The following RAB3IP variants were observed in gnomAD, a reference collection of about 807,000 sequenced individuals.
RAB3IP encodes the protein rab-3A-interacting protein.
RAB3IP carries 36 observed loss-of-function variants against 59.1 expected under a neutral mutation model. That is an observed-to-expected ratio of 0.61 (90% CI 0.47 to 0.80). The LOEUF (loss-of-function observed/expected upper bound fraction) is 0.80, where lower values mean the gene tolerates loss of function less well. RAB3IP is among the 30% of genes least tolerant of loss of function. RAB3IP has a pLI of 0.00. For synonymous variants in RAB3IP, 207 were observed against 191.2 expected (o/e 1.08, Z -0.68); for missense variants, 511 against 536.0 (o/e 0.95, Z 0.46).
intron 3 of RAB3IP, among the ~76,000 whole-genome samples, chr12:69,761,437 A>G (rs1220193548): frequency 1.3e-5 from 2 of 152,144 alleles, no homozygotes; most frequent in Non-Finnish European, 2.9e-5. Context: ...GTTGATCCAT[A>G]TATTTTTTCA....
chr12:69,754,021 T>A (rs939552367), intron 1 of RAB3IP, among the ~76,000 whole-genome samples: 3 of 152,136 alleles, frequency 2.0e-5, no homozygotes, highest in Non-Finnish European at 2.9e-5. Context: ...CTATGTCAGG[T>A]ACATAGTACT....
At chr12:69,773,014 C>A (rs2136178922) in intron 3 of RAB3IP, among the ~76,000 whole-genome samples, 1 of 152,050 alleles carries the variant, frequency 6.6e-6, no homozygotes, top group African/African-American at 2.4e-5. Context: ...TTTTGTTTTT[C>A]TGGGAAACTT....
chr12:69,812,851 T>A lies in RAB3IP; in HGVS notation c.1204T>A (p.Tyr402Asn). 6.2e-7 allele frequency: 1 copy of A among 1,613,138 alleles called. No individual in the cohort carries two copies. Among genetic ancestry groups the A allele is most frequent in the Non-Finnish European group, 8.5e-7 (1 of 1,179,086 alleles). Reference sequence around the variant, plus strand: ...ATTAGGGGACTCAAGCAACTATTATTATATTTCTCCTTTTTGCAGATACAG... The same window carrying A: ...ATTAGGGGACTCAAGCAACTATTATAATATTTCTCCTTTTTGCAGATACAG... The part of the protein sequence containing the change: ...IKLGDSSNYY[Y>N]ISPFCRYRIT... Residue 402 changes from tyrosine (Y) to asparagine (N), a missense_variant, in exon 9 of 11, where the codon TAT becomes AAT. Transcript: ENST00000247833.
At chr12:69,772,846 T>G (rs762555700) in intron 3 of RAB3IP, among the ~76,000 whole-genome samples, 3 of 152,200 alleles carry the variant, frequency 2.0e-5, no homozygotes, top group Non-Finnish European at 2.9e-5. Context: ...ATTACAATAT[T>G]AGAGTATTCT....
At chr12:69,813,732 A>G (rs1199596843) in intron 10 of RAB3IP, among the ~76,000 whole-genome samples, 1 of 152,142 alleles carries the variant, frequency 6.6e-6, no homozygotes, top group African/African-American at 2.4e-5. Flanking sequence ...GCTAGGGACA[A>G]GTCTGTGCCA....
chr12:69,784,678 C>T (rs1285302058), intron 3 of RAB3IP, 42 bp from the exon 4 acceptor site: 21 of 1,196,238 alleles, frequency 1.8e-5, no homozygotes, highest in Non-Finnish European at 2.6e-5. Context: ...AATCTAACTT[C>T]AAACTATGGA....
chr12:69,797,237 C>A (rs1877570798), intron 6 of RAB3IP, among the ~76,000 whole-genome samples: 1 of 152,180 alleles, frequency 6.6e-6, no homozygotes, highest in African/African-American at 2.4e-5. Flanking sequence ...GGGATCAAGC[C>A]ACTTAGATTT....
intron 4 of RAB3IP, among the ~76,000 whole-genome samples, chr12:69,791,705 C>G (rs935481120): frequency 2.0e-5 from 3 of 152,108 alleles, no homozygotes; most frequent in African/African-American, 4.8e-5. Flanking sequence ...AACTTGTCCA[C>G]TATTGGTGGG....
rs1359624420 is a variant in RAB3IP, at chr12:69,784,773, A to C, written c.564A>C (p.Gln188His). Residue 188 changes from glutamine (Q) to histidine (H), a missense_variant, in exon 4 of 11, where the codon CAA becomes CAC. By Grantham distance (24) the Gln-to-His change is conservative. Coordinates refer to ENST00000247833, the MANE Select transcript of RAB3IP (RefSeq NM_022456.5). ...ECERLSKVRD[Q>H]LGQELEELTA... ...AGAGGCTTTCAAAAGTGCGAGATCA[A>C]CTTGGACAGGAATTGGAAGAACTCA... The C allele has an allele frequency of 2.5e-6, 4 of 1,610,684 alleles. No individual in the cohort carries two copies. In the Admixed American group the frequency reaches 6.7e-5, roughly 27 times the overall value.
At chr12:69,780,874 T>C (rs565765161) in intron 3 of RAB3IP, among the ~76,000 whole-genome samples, 1 of 152,306 alleles carries the variant, frequency 6.6e-6, no homozygotes, top group Non-Finnish European at 1.5e-5. Context: ...ATCAAATGCA[T>C]TTATATATCT....
chr12:69,771,773 G>A (rs1434026658), intron 3 of RAB3IP, among the ~76,000 whole-genome samples: 2 of 152,114 alleles, frequency 1.3e-5, no homozygotes, highest in Non-Finnish European at 2.9e-5. Context: ...CTGTATGAAA[G>A]ATTTCCTTTC....
intron 1 of RAB3IP, chr12:69,739,871 T>C (rs1445779358): frequency 6.2e-7 from 1 of 1,613,716 alleles, no homozygotes; most frequent in Non-Finnish European, 8.5e-7. Flanking sequence ...GATGAAAGGG[T>C]AAGGTCTTGA....
chr12:69,811,079 G>T (rs760654265), intron 8 of RAB3IP, among the ~76,000 whole-genome samples: 1 of 152,186 alleles, frequency 6.6e-6, no homozygotes, highest in African/African-American at 2.4e-5. Context: ...CATGTCCTTT[G>T]CAGGGACATG....
intron 4 of RAB3IP, among the ~76,000 whole-genome samples, chr12:69,792,533 T>C (rs1352936105): frequency 1.3e-5 from 2 of 152,196 alleles, no homozygotes; most frequent in Admixed American, 6.5e-5. Flanking sequence ...GTATAGGTGA[T>C]ACTTACATCA....
chr12:69,783,791 T>C (rs1875167588), intron 3 of RAB3IP, among the ~76,000 whole-genome samples: 1 of 152,246 alleles, frequency 6.6e-6, no homozygotes, highest in Non-Finnish European at 1.5e-5. Flanking sequence ...GCTGCTTTTG[T>C]ACATCTGGTG....
chr12:69,749,069 A>C (rs1262334780), intron 1 of RAB3IP, among the ~76,000 whole-genome samples: 1 of 152,230 alleles, frequency 6.6e-6, no homozygotes, highest in Non-Finnish European at 1.5e-5. Context: ...GTGCTATATA[A>C]CAGGGGTCCC....
At chr12:69,758,323 G>T (rs1870551010) in intron 3 of RAB3IP, among the ~76,000 whole-genome samples, 2 of 152,086 alleles carry the variant, frequency 1.3e-5, no homozygotes, top group African/African-American at 4.8e-5. Flanking sequence ...ATGGATAATG[G>T]TATAGTTTGG....
At chr12:69,761,991 A>G (rs1254184449) in intron 3 of RAB3IP, among the ~76,000 whole-genome samples, 1 of 152,228 alleles carries the variant, frequency 6.6e-6, no homozygotes, top group Non-Finnish European at 1.5e-5. Context: ...TAGAGAAGGT[A>G]CAGCTTCTTC....
chr12:69,804,333 T>C (rs1009048999), intron 8 of RAB3IP, among the ~76,000 whole-genome samples: 4 of 152,342 alleles, frequency 2.6e-5, no homozygotes, highest in African/African-American at 9.6e-5. Flanking sequence ...TTTGCCCACT[T>C]TTTGATGGGG....
Sources: gnomAD v4.1 joint callset for allele counts (sites outside exome capture counted in the v4.1 genomes callset) on GRCh38, gnomAD v4.1.1 for gene constraint, MANE v1.5 for transcripts, NCBI Gene and HGNC (gene_info 2026-07-23, HGNC 2026-07-21) for gene names.